The following KHDRBS2 variants were observed in gnomAD, a reference collection of about 807,000 sequenced individuals.
KHDRBS2 encodes KH domain-containing, RNA-binding, signal transduction-associated protein 2.
A neutral mutation model predicts 44.3 loss-of-function variants in KHDRBS2; 26 were observed. That is an observed-to-expected ratio of 0.59 (90% CI 0.43 to 0.81). The LOEUF (loss-of-function observed/expected upper bound fraction) is 0.81. Among genes scored for constraint, KHDRBS2 ranks in the 40% least tolerant of loss-of-function variants. The pLI is 0.00. For missense variants in KHDRBS2, 476 were observed against 433.1 expected (o/e 1.10, Z -0.88); for synonymous variants, 194 against 151.1 (o/e 1.28, Z -2.08).
At chr6:61,776,793 T>G (rs113039518) in intron 6 of KHDRBS2, among the ~76,000 whole-genome samples, 1 of 152,274 alleles carries the variant, frequency 6.6e-6, no homozygotes, top group African/African-American at 2.4e-5. Flanking sequence ...ATTGGGTATA[T>G]ACCCAAAGGA....
the KHDRBS2 span, among the ~76,000 whole-genome samples, chr6:61,600,805 C>T: frequency 6.6e-6 from 1 of 152,182 alleles, no homozygotes. Flanking sequence ...TTACTCTCTT[C>T]TCCAACCTCT....
At chr6:61,552,636 G>C in the KHDRBS2 span, among the ~76,000 whole-genome samples, 1 of 152,074 alleles carries the variant, frequency 6.6e-6, no homozygotes, top group Non-Finnish European at 1.5e-5. Context: ...CTGTGCATTT[G>C]TTATATATAT....
chr6:61,829,843 C>A (rs562167650), intron 6 of KHDRBS2, among the ~76,000 whole-genome samples: 1 of 152,050 alleles, frequency 6.6e-6, no homozygotes, highest in Non-Finnish European at 1.5e-5. Context: ...GAGAACACAT[C>A]GGAGTGAGAG....
intron 7 of KHDRBS2, among the ~76,000 whole-genome samples, chr6:61,720,162 T>C (rs1414810349): frequency 2.6e-5 from 4 of 152,230 alleles, no homozygotes; most frequent in Non-Finnish European, 4.4e-5. Context: ...CACGTTTTCT[T>C]AATCCAGTCT....
the KHDRBS2 span, among the ~76,000 whole-genome samples, chr6:61,608,560 G>A: frequency 6.6e-6 from 1 of 151,942 alleles, no homozygotes; most frequent in East Asian, 1.9e-4. Flanking sequence ...TCTACATTAA[G>A]TATCCCTCCT....
intron 4 of KHDRBS2, among the ~76,000 whole-genome samples, chr6:61,966,878 T>C (rs1281778507): frequency 6.6e-6 from 1 of 151,840 alleles, no homozygotes; most frequent in East Asian, 1.9e-4. Context: ...AACAGTACAA[T>C]AGTCAGAAAT....
intron 1 of KHDRBS2, among the ~76,000 whole-genome samples, chr6:62,277,983 A>G (rs984726989): frequency 6.6e-6 from 1 of 152,208 alleles, no homozygotes; most frequent in African/African-American, 2.4e-5. Context: ...AGGAAGCCAT[A>G]TAATATGGAT....
At chr6:62,155,159 G>C (rs970485413) in intron 2 of KHDRBS2, among the ~76,000 whole-genome samples, 2 of 152,092 alleles carry the variant, frequency 1.3e-5, no homozygotes, top group Non-Finnish European at 2.9e-5. Context: ...AACTGGATTT[G>C]AGCTGGGTTT....
At chr6:62,226,868 G>A (rs1831931777) in intron 1 of KHDRBS2, among the ~76,000 whole-genome samples, 1 of 152,036 alleles carries the variant, frequency 6.6e-6, no homozygotes, top group East Asian at 1.9e-4. Flanking sequence ...TATCTGTTCT[G>A]TTCAATTGGT....
Position 61,978,098 on chromosome 6 carries a change from C to T in KHDRBS2, c.451G>A (p.Ala151Thr). ...AGGAATTTTTTAATCTCTTCCAATG[C>T]ATGACTCATACGTGAATAAGCTTCC... ...PGEAYSRMSHALEEIKKFLVP... is the reference protein window; with the variant it reads ...PGEAYSRMSHTLEEIKKFLVP... Residue 151 changes from alanine (A) to threonine (T), a missense_variant, in exon 4 of 9, where the codon GCA becomes ACA. Coordinates refer to ENST00000281156, the MANE Select transcript of KHDRBS2 (RefSeq NM_152688.4). The T allele has an allele frequency of 1.2e-6, 2 of 1,608,610 alleles. No individual in the cohort carries two copies. The highest frequency in any genetic ancestry group is 1.7e-6 in the Non-Finnish European group (2 of 1,177,704).
intron 3 of KHDRBS2, among the ~76,000 whole-genome samples, chr6:61,999,018 A>G (rs1777738474): frequency 6.6e-6 from 1 of 152,026 alleles, no homozygotes; most frequent in African/African-American, 2.4e-5. Flanking sequence ...TTTCTCATTT[A>G]TTTTGTTTTG....
chr6:61,794,691 C>T (rs920307266), intron 6 of KHDRBS2, among the ~76,000 whole-genome samples: 8 of 152,058 alleles, frequency 5.3e-5, no homozygotes, highest in Admixed American at 2.6e-4. Context: ...GGCAAGATTA[C>T]ACCATACAGT....
intron 6 of KHDRBS2, among the ~76,000 whole-genome samples, chr6:61,794,685 A>G (rs1295502731): frequency 6.6e-6 from 1 of 152,188 alleles, no homozygotes; most frequent in East Asian, 1.9e-4. Flanking sequence ...AATATGGGCA[A>G]GATTACACCA....
At chr6:62,096,136 T>A (rs555664468) in intron 2 of KHDRBS2, among the ~76,000 whole-genome samples, 28 of 152,024 alleles carry the variant, frequency 1.8e-4, no homozygotes, top group African/African-American at 6.7e-4. Context: ...TTGGTGGGGA[T>A]TTTTTGCATC....
chr6:62,149,562 T>G (rs939708368), intron 2 of KHDRBS2, among the ~76,000 whole-genome samples: 1 of 152,122 alleles, frequency 6.6e-6, no homozygotes, highest in African/African-American at 2.4e-5. Flanking sequence ...AAAAAACAAG[T>G]ATTAACCCAC....
chr6:61,841,581 T>C (rs1793613871), intron 6 of KHDRBS2, among the ~76,000 whole-genome samples: 1 of 152,166 alleles, frequency 6.6e-6, no homozygotes, highest in Non-Finnish European at 1.5e-5. Context: ...GTCTTAGTCT[T>C]GGTACTGTGC....
At chr6:61,948,792 A>C (rs2127381995) in intron 4 of KHDRBS2, among the ~76,000 whole-genome samples, 1 of 151,828 alleles carries the variant, frequency 6.6e-6, no homozygotes, top group African/African-American at 2.4e-5. Context: ...AACTATACGC[A>C]CATGCCTCTT....
intron 1 of KHDRBS2, among the ~76,000 whole-genome samples, chr6:62,248,169 T>C (rs1464683179): frequency 2.0e-5 from 3 of 151,938 alleles, no homozygotes; most frequent in African/African-American, 4.8e-5. Context: ...GTGAGTATTC[T>C]AGCTTTCAAT....
chr6:62,022,439 T>C (rs1782523685), intron 3 of KHDRBS2, among the ~76,000 whole-genome samples: 1 of 151,720 alleles, frequency 6.6e-6, no homozygotes, highest in African/African-American at 2.4e-5. Context: ...TTTTCTGTGT[T>C]TCAATTTCTC....
Sources: allele counts gnomAD v4.1 joint callset (sites outside exome capture counted in the v4.1 genomes callset), GRCh38; gene constraint gnomAD v4.1.1; transcripts MANE v1.5; gene names NCBI Gene and HGNC (gene_info 2026-07-23, HGNC 2026-07-21).